The following PDGFA variants were observed in gnomAD, a reference collection of about 807,000 sequenced individuals.
The protein encoded by PDGFA is platelet derived growth factor subunit A, also known as platelet-derived growth factor subunit A.
Under a neutral mutation model 25.6 loss-of-function variants are expected in PDGFA, and 9 were observed. The ratio of observed to expected loss-of-function variants is 0.35; its 90% CI spans 0.21 to 0.61. PDGFA has a LOEUF of 0.61. Ranked by LOEUF, PDGFA falls within the 20% of genes least tolerant of loss-of-function variation. PDGFA has a pLI of 0.75. For missense variants in PDGFA, 242 were observed against 272.8 expected, an observed-to-expected ratio of 0.89 and a Z score of 0.79; for synonymous variants, 133 against 111.8, an observed-to-expected ratio of 1.19 and a Z score of -1.20.
exon 6 of PDGFA, chr7:497,939 TAAAAAAAAAAAAA>T (rs35400797): frequency 5.0e-5 from 1 of 20,138 alleles, no homozygotes; most frequent in Admixed American, 1.2e-3. Context: ...CTTTATGGTG[TAAAAAAAAAAAAA>T]AAAAAACAAA....
In PDGFA at chr7:500,227, G is replaced by A. The variant is rs763991439; in HGVS notation, c.580+889C>T. On this transcript the variant is annotated intron_variant, in intron 5 of 5. Coordinates refer to ENST00000402802, the Ensembl canonical transcript of PDGFA. This position sits in a 1 kb window ranked among gnomAD's most constrained non-coding sequence, Gnocchi z 5.0. ...CAAAGCTGGAGGCAGGCTCCCAAGC[G>A]GGAGTGAGCCACGGGCCAGGGCGTT... Among the ~76,000 whole-genome samples the A allele has an allele frequency of 3.9e-5, 6 of 152,254 alleles. No homozygotes were observed. In the East Asian group the frequency reaches 5.8e-4, roughly 15 times the overall value.
At chr7:503,995 A>G (rs940631927) in intron 4 of PDGFA, among the ~76,000 whole-genome samples, 48 of 152,284 alleles carry the variant, frequency 3.2e-4, no homozygotes, top group Admixed American at 2.9e-3. Flanking sequence ...TCCCCAGGAC[A>G]GAATCCTCCA....
chr7:499,017 C>T (rs1782210503), intron 5 of PDGFA, among the ~76,000 whole-genome samples: 1 of 152,202 alleles, frequency 6.6e-6, no homozygotes, highest in Non-Finnish European at 1.5e-5. Flanking sequence ...CTATGCTGAT[C>T]GTTTAAGAAC....
In PDGFA at chr7:500,396, C is replaced by A. The variant is rs754683197; in HGVS notation, c.580+720G>T. ...GATCAGTCAGTTGCACCTCCCCGCC[C>A]TGCAGGACTCAGTGTGTCCGGCAGA... On this transcript the variant is annotated intron_variant, in intron 5 of 5. Coordinates refer to ENST00000402802, the Ensembl canonical transcript of PDGFA. This position sits in a 1 kb window ranked among gnomAD's most constrained non-coding sequence, Gnocchi z 5.0. 2.5e-6 allele frequency: 4 copies of A among 1,609,928 alleles called. No homozygotes were observed. In the East Asian group the frequency reaches 8.9e-5, roughly 36 times the overall value.
chr7:507,630 C>G (rs988841349), intron 4 of PDGFA, among the ~76,000 whole-genome samples: 1 of 152,234 alleles, frequency 6.6e-6, no homozygotes. Context: ...CCAAGCCTCC[C>G]CCAGCACCCA....
chr7:511,414 G>GA (rs1782845169), intron 3 of PDGFA, among the ~76,000 whole-genome samples: 1 of 151,604 alleles, frequency 6.6e-6, no homozygotes, highest in Non-Finnish European at 1.5e-5. Flanking sequence ...TCCAGGTGGG[G>GA]CCAGTGGCTG....
exon 3 of PDGFA, chr7:512,443 G>T: frequency 6.2e-7 from 1 of 1,613,728 alleles, no homozygotes; most frequent in South Asian, 1.1e-5. Context: ...GGTGTCCAAA[G>T]AATCCTCACT....
intron 4 of PDGFA, among the ~76,000 whole-genome samples, chr7:504,595 G>C (rs1782480013): frequency 6.6e-6 from 1 of 152,096 alleles, no homozygotes; most frequent in African/African-American, 2.4e-5. Flanking sequence ...CCCATACTCT[G>C]CTGCTCCCAC....
At chr7:519,611 C>T (rs1472904314), upstream of PDGFA, among the ~76,000 whole-genome samples, 1 of 145,214 alleles carries the variant, frequency 6.9e-6, no homozygotes, top group Non-Finnish European at 1.5e-5. Context: ...GGCGCGCCCT[C>T]GGCTCCGGCG....
chr7:518,730 C>T (rs1319942280), intron 1 of PDGFA, among the ~76,000 whole-genome samples: 3 of 152,230 alleles, frequency 2.0e-5, no homozygotes, highest in African/African-American at 7.2e-5. Flanking sequence ...TCCCCGGTCC[C>T]CCCGAGGCAG....
intron 4 of PDGFA, among the ~76,000 whole-genome samples, chr7:508,099 C>A (rs987793277): frequency 2.6e-5 from 4 of 152,124 alleles, no homozygotes; most frequent in Non-Finnish European, 5.9e-5. Context: ...TCTAAAGTGC[C>A]CGGTCGTGTG....
Position 500,581 on chromosome 7 carries a change from ATT to A in PDGFA, c.580+533_580+534del. The stretch of plus-strand genomic sequence containing the variant: ...AACTGAAGCAACAAATACCTACGGC[ATT>A]TGTTTATCTTTCCAGAAGAGAAGGC... On this transcript the variant is annotated intron_variant, in intron 5 of 5. Transcript: ENST00000402802. The surrounding 1 kb of genome is among the most constrained non-coding windows in gnomAD (Gnocchi z 5.0). The A allele has an allele frequency of 6.2e-7, 1 of 1,606,678 alleles. No homozygotes were observed. Among genetic ancestry groups the A allele is most frequent in the Non-Finnish European group, 8.5e-7 (1 of 1,177,524 alleles).
chr7:512,233 G>A, intron 3 of PDGFA, 118 bp downstream of exon 3: 2 of 967,174 alleles, frequency 2.1e-6, no homozygotes, highest in Admixed American at 5.4e-5. Flanking sequence ...CTTGCCTGAG[G>A]CCACTGCGCT....
At position 517,232 on chromosome 7, in the gene PDGFA, G is replaced by C. The variant is rs1427442555; in HGVS notation, c.160+162C>G. On this transcript the variant is annotated intron_variant, in intron 2 of 5. Coordinates refer to ENST00000402802, the Ensembl canonical transcript of PDGFA. This position sits in a 1 kb window ranked among gnomAD's most constrained non-coding sequence, Gnocchi z 7.4. ...CCGCTGGGAGAGAAAGTGGAGACTG[G>C]AAGAGAAACTCCTGACTCATCCGCC... Among the ~76,000 whole-genome samples, 8 of 151,648 alleles carry C rather than the reference G, an allele frequency of 5.3e-5. No homozygotes were observed. Among genetic ancestry groups the C allele is most frequent in the African/African-American group, 1.9e-4 (8 of 41,396 alleles).
intron 4 of PDGFA, among the ~76,000 whole-genome samples, chr7:502,294 T>C (rs772320355): frequency 2.2e-4 from 33 of 151,696 alleles, no homozygotes; most frequent in South Asian, 4.2e-4. Context: ...TAGCCCAAGG[T>C]TGCTGTGGAC....
At chr7:504,604 AC>A (rs1782480385) in intron 4 of PDGFA, among the ~76,000 whole-genome samples, 1 of 151,946 alleles carries the variant, frequency 6.6e-6, no homozygotes, top group Admixed American at 6.6e-5. Context: ...TGCTGCTCCC[AC>A]CCACCCCCAG....
chr7:510,854 G>T (rs760212191), exon 4 of PDGFA: 1 of 1,610,152 alleles, frequency 6.2e-7, no homozygotes, highest in East Asian at 2.2e-5. Context: ...ACTTGACACT[G>T]CTCGTGTTGC....
intron 2 of PDGFA, 86 bp from the exon 3 acceptor site, chr7:512,541 C>G (rs754762094): frequency 1.8e-5 from 28 of 1,596,320 alleles, no homozygotes; most frequent in Non-Finnish European, 2.3e-5. Flanking sequence ...CACAGACCAG[C>G]TTTGGGAGCC....
chr7:516,905 G>A (rs1043815336), intron 2 of PDGFA, among the ~76,000 whole-genome samples: 1 of 152,096 alleles, frequency 6.6e-6, no homozygotes, highest in Admixed American at 6.5e-5. Flanking sequence ...CAAGAACGCG[G>A]CACCAGCTCG....
Sources: gnomAD v4.1 joint callset for allele counts (sites outside exome capture counted in the v4.1 genomes callset) on GRCh38, gnomAD v4.1.1 for gene constraint, Gnocchi (gnomAD v3.1) non-coding constraint, MANE v1.5 for transcripts, NCBI Gene and HGNC (gene_info 2026-07-23, HGNC 2026-07-21) for gene names.